Variants in WLS observed in about 807,000 individuals in gnomAD.
The protein encoded by WLS is Wnt ligand secretion mediator, also known as protein wntless homolog.
Under a neutral mutation model 62.8 loss-of-function variants are expected in WLS, and 23 were observed. That is an observed-to-expected ratio of 0.37 (90% confidence interval 0.26 to 0.52). The LOEUF (loss-of-function observed/expected upper bound fraction) is 0.52, where lower values mean the gene tolerates loss of function less well. Among genes scored for constraint, WLS ranks in the 20% least tolerant of loss-of-function variants. The pLI is 0.92. For synonymous variants in WLS, 246 were observed against 244.1 expected (o/e 1.01, Z -0.07); for missense variants, 615 against 697.3 (o/e 0.88, Z 1.33).
At chr1:68,194,693 AC>A (rs1265924386) in intron 1 of WLS, among the ~76,000 whole-genome samples, 1 of 152,182 alleles carries the variant, frequency 6.6e-6, no homozygotes, top group Non-Finnish European at 1.5e-5. Flanking sequence ...TAGCTTCAGG[AC>A]CCTCATCTGA....
At position 68,195,002 on chromosome 1, in the gene WLS, C is replaced by CA. The variant is rs530154781; in HGVS notation, c.107-776dup. On this transcript the variant is annotated intron_variant, in intron 1 of 11. Coordinates refer to ENST00000262348, the MANE Select transcript of WLS (RefSeq NM_024911.7). The stretch of plus-strand genomic sequence containing the variant: ...TTTTAAGTTCAAAACAACATTTACC[C>CA]AAAATCCCACTAGAGGGAAGTAACC... Among the ~76,000 whole-genome samples the CA allele has an allele frequency of 1.1e-4, 16 of 152,238 alleles. No homozygotes were observed. The East Asian group carries it at 2.3e-3, about 22-fold the overall frequency.
rs193148857 is a variant in WLS, at chr1:68,231,116, C to T, written c.106+1078G>A. ...GGCATTGAAGTTTGTGCCGGGATGT[C>T]CCAAATCTTGAGGGGGCGGGGGGCG... On this transcript the variant is annotated intron_variant, in intron 1 of 11. Coordinates refer to ENST00000262348, the MANE Select transcript of WLS (RefSeq NM_024911.7). Among the ~76,000 whole-genome samples the T allele has an allele frequency of 2.6e-3, 397 of 152,338 alleles. 6 individuals are homozygous for T. The highest frequency in any genetic ancestry group is 0.019 in the Admixed American group (284 of 15,302).
chr1:68,210,740 C>T (rs534280421), intron 1 of WLS, among the ~76,000 whole-genome samples: 10 of 152,134 alleles, frequency 6.6e-5, no homozygotes, highest in South Asian at 6.2e-4. Flanking sequence ...AAGCCCCAGC[C>T]GCTCATCACT....
rs7528659 is a variant in WLS, at chr1:68,110,250, T to C, written c.1511-11497A>G. Among the ~76,000 whole-genome samples the C allele has an allele frequency of 9.9e-3, 1,498 of 151,956 alleles. 22 individuals carry two copies. The highest frequency in any genetic ancestry group is 0.033 in the African/African-American group (1,386 of 41,510). ...TTAATTTAAAATTAAGTTGAAAAAA[T>C]ATTTTAAGTGCCAAAAGAGATAGCA... On this transcript the variant is annotated intron_variant, in intron 11 of 11. Transcript: ENST00000354777.
chr1:68,148,531 T>C (rs755445260), intron 7 of WLS, 32 bp downstream of exon 7: 1 of 1,605,904 alleles, frequency 6.2e-7, no homozygotes, highest in South Asian at 1.1e-5. Flanking sequence ...TGATGCACAG[T>C]TTGGCTCAGT....
intron 6 of WLS, among the ~76,000 whole-genome samples, chr1:68,149,004 C>T (rs974625542): frequency 3.9e-5 from 6 of 152,090 alleles, no homozygotes; most frequent in Non-Finnish European, 7.4e-5. Flanking sequence ...TTCTACGTGA[C>T]TTGTAACTTG....
chr1:68,163,394 C>G (rs1647013555), intron 2 of WLS, among the ~76,000 whole-genome samples: 1 of 152,032 alleles, frequency 6.6e-6, no homozygotes, highest in Non-Finnish European at 1.5e-5. Context: ...GCCCCTCCCA[C>G]CCCACCCTGC....
At position 68,202,295 on chromosome 1, in the gene WLS, T is replaced by C. The variant is rs1004105236; in HGVS notation, c.107-8068A>G. On this transcript the variant is annotated intron_variant, in intron 1 of 11. Transcript: ENST00000262348. Reference sequence around the variant, plus strand: ...TTTTGAAAAAATAGTAAAATGCACATAAAGGGCCCTGCCAGAGGTTTAGCT... The same window carrying C: ...TTTTGAAAAAATAGTAAAATGCACACAAAGGGCCCTGCCAGAGGTTTAGCT... The C allele has an allele frequency of 4.6e-5, 7 of 152,302 alleles. No homozygotes were observed. The East Asian group carries it at 1.4e-3, about 29-fold the overall frequency. The allele number at this position is 152,302 out of a possible 1,614,324, so 9.4% of individuals were successfully genotyped here. A position where few individuals can be genotyped will look rare whatever the true frequency, so the allele number is the denominator to read the frequency against.
chr1:68,173,197 T>C (rs1242443631), intron 2 of WLS, among the ~76,000 whole-genome samples: 1 of 152,190 alleles, frequency 6.6e-6, no homozygotes, highest in Admixed American at 6.5e-5. Context: ...CTCAGAACCA[T>C]CTAAGTTAGC....
chr1:68,145,560 C>T (rs1556157), intron 9 of WLS, among the ~76,000 whole-genome samples: 50,953 of 151,800 alleles, frequency 0.34, 9,410 homozygotes, highest in Non-Finnish European at 0.42. Context: ...CCCAATTATG[C>T]CATAGTCCAA....
chr1:68,218,274 A>G (rs1466593265), intron 1 of WLS, among the ~76,000 whole-genome samples: 1 of 152,180 alleles, frequency 6.6e-6, no homozygotes, highest in Non-Finnish European at 1.5e-5. Flanking sequence ...AATTACTTTA[A>G]CATCATTTTA....
chr1:68,125,204 C>T (rs899752786), downstream of WLS, among the ~76,000 whole-genome samples: 2 of 152,206 alleles, frequency 1.3e-5, no homozygotes, highest in Non-Finnish European at 2.9e-5. Flanking sequence ...AGGCTAACCA[C>T]ACAGGACAGA....
At position 68,148,560 on chromosome 1, in the gene WLS, C is replaced by T; in HGVS notation, c.1070+3G>A. On this transcript the variant is annotated splice_donor_region_variant and intron_variant, in intron 7 of 11. Coordinates refer to ENST00000262348, the MANE Select transcript of WLS (RefSeq NM_024911.7). ...GCTCAGTGTCCCACAAACACTTGCT[C>T]ACCTCTCACACATGTCAAATATGAA... The T allele has an allele frequency of 6.2e-7, 1 of 1,613,782 alleles. No homozygotes were observed. The highest frequency in any genetic ancestry group is 8.5e-7 in the Non-Finnish European group (1 of 1,179,896).
At chr1:68,192,582 C>CA (rs113023360) in intron 2 of WLS, among the ~76,000 whole-genome samples, 30,625 of 141,596 alleles carry the variant, frequency 0.22, 3,281 homozygotes, top group East Asian at 0.29. Context: ...GTCACACACA[C>CA]AAAAAAAAAA....
At chr1:68,124,670 A>G (rs921949431), downstream of WLS, among the ~76,000 whole-genome samples, 10 of 152,142 alleles carry the variant, frequency 6.6e-5, no homozygotes, top group Non-Finnish European at 8.8e-5. Context: ...CACCATCCCA[A>G]TGTCCACCAG....
intron 2 of WLS, chr1:68,162,313 T>G: frequency 6.2e-7 from 1 of 1,613,504 alleles, no homozygotes; most frequent in Non-Finnish European, 8.5e-7. Context: ...CTGCCTCATC[T>G]GCTTTATGGT....
At chr1:68,193,417 AAAAAAAAAAAAAAAAAAAAAAAAAACG>A (rs1557511164) in intron 2 of WLS, among the ~76,000 whole-genome samples, 7 of 130,002 alleles carry the variant, frequency 5.4e-5, no homozygotes, top group African/African-American at 2.6e-4. Context: ...AAAAAAAAAA[AAAAAAAAAAAAAAAAAAAAAAAAAACG>A]AAAAAAAAAC....
chr1:68,220,587 C>G (rs1257180390), intron 1 of WLS, among the ~76,000 whole-genome samples: 1 of 152,154 alleles, frequency 6.6e-6, no homozygotes, highest in Non-Finnish European at 1.5e-5. Context: ...AAACCACATT[C>G]CATCAGTTAT....
intron 1 of WLS, among the ~76,000 whole-genome samples, chr1:68,216,584 CA>C: frequency 6.6e-6 from 1 of 152,268 alleles, no homozygotes; most frequent in Admixed American, 6.5e-5. Context: ...TTCTCTGCAG[CA>C]AAAGGGCAGG....
Sources: gnomAD v4.1 joint callset for allele counts (sites outside exome capture counted in the v4.1 genomes callset) on GRCh38, gnomAD v4.1.1 for gene constraint, MANE v1.5 for transcripts, NCBI Gene and HGNC (gene_info 2026-07-23, HGNC 2026-07-21) for gene names.